The following PURA variants were observed in gnomAD, a reference collection of about 807,000 sequenced individuals.
The protein encoded by PURA is transcriptional activator protein Pur-alpha.
In PURA, 2 loss-of-function variants were observed where a neutral mutation model predicts 23.1. The observed-to-expected ratio is 0.09, with a 90% CI of 0.04 to 0.27. PURA has a LOEUF of 0.27. Among genes scored for constraint, PURA ranks in the 10% least tolerant of loss-of-function variants. PURA has a pLI of 1.00. For missense variants in PURA, 187 were observed against 449.7 expected (o/e 0.42, Z 5.28); for synonymous variants, 254 against 205.9 (o/e 1.23, Z -2.00).
In PURA at chr5:140,116,804, T is replaced by G. The variant is rs1763084997; in HGVS notation, c.*1654T>G. 6.3e-6 allele frequency: 1 copy of G among 157,614 alleles called. No homozygotes were observed. Among genetic ancestry groups the G allele is most frequent in the African/African-American group, 2.5e-5 (1 of 39,558 alleles). The allele number at this position is 157,614 out of a possible 1,614,324, so 9.8% of individuals were successfully genotyped here. ...CAGTACATTTTGGTTTGGAATTCTG[T>G]AGAAAGTATTTTGGTAAAAAAAAAA... On this transcript the variant is annotated 3_prime_UTR_variant, in exon 1 of 1. Transcript: ENST00000331327.
rs1260989342 is a variant in PURA at position 140,124,161 on chromosome 5, A to G, written c.*9011A>G. 6.0e-6 allele frequency: 1 copy of G among 167,060 alleles called. No homozygotes were observed. Among genetic ancestry groups the G allele is most frequent in the Non-Finnish European group, 1.5e-5 (1 of 68,094 alleles). 10.3% of individuals were successfully genotyped at this position (167,060 alleles called of 1,614,324 possible). On this transcript the variant is annotated 3_prime_UTR_variant, in exon 1 of 1. Transcript: ENST00000331327. Reference sequence around the variant, plus strand: ...ACACAGTGTTCAGAATTGCAAAAAAATTTAAAAATTGATAGTTTTATCAAT... The same window carrying G: ...ACACAGTGTTCAGAATTGCAAAAAAGTTTAAAAATTGATAGTTTTATCAAT...
In PURA at chr5:140,114,421, C is replaced by T. The variant is rs367658456; in HGVS notation, c.240C>T (p.Asn80=). Residue 80 remains asparagine, a synonymous_variant, in exon 1 of 1, where the codon AAC becomes AAT. Coordinates refer to ENST00000331327, the MANE Select transcript of PURA (RefSeq NM_005859.5). ...NKRFYLDVKQ[N]AKGRFLKIAE... ...GCTTCTACCTGGACGTGAAGCAGAA[C>T]GCCAAGGGCCGCTTCCTGAAGATCG... 2.0e-4 allele frequency: 318 copies of T among 1,612,974 alleles called. No individual in the cohort carries two copies. The highest frequency in any genetic ancestry group is 2.6e-4 in the Non-Finnish European group (302 of 1,179,816).
rs199790744 is a variant in PURA, at chr5:140,116,819, T to TA, written c.*1690dup. The TA allele has an allele frequency of 0.016, 1,513 of 96,932 alleles. 11 individuals are homozygous for TA. Among genetic ancestry groups the TA allele is most frequent in the East Asian group, 0.052 (192 of 3,668 alleles). The allele number at this position is 96,932 out of a possible 1,614,324, so 6.0% of individuals were successfully genotyped here. A position where few individuals can be genotyped will look rare whatever the true frequency, so the allele number is the denominator to read the frequency against. On this transcript the variant is annotated 3_prime_UTR_variant, in exon 1 of 1. Coordinates refer to ENST00000331327, the MANE Select transcript of PURA (RefSeq NM_005859.5). ...TGGAATTCTGTAGAAAGTATTTTGGTAAAAAAAAAAAAAAAAAAAAAGGGT... is the reference window on the plus strand; with the variant it reads ...TGGAATTCTGTAGAAAGTATTTTGGTAAAAAAAAAAAAAAAAAAAAAAGGGT...
chr5:140,125,257 C>T lies in PURA; in HGVS notation c.*10107C>T, dbSNP rs923662393. ...AATTGTAGAGAATTTTAGTGCAAATCGTTGATAAAATTAGGAACCAACTAT... is the reference window on the plus strand; with the variant it reads ...AATTGTAGAGAATTTTAGTGCAAATTGTTGATAAAATTAGGAACCAACTAT... On this transcript the variant is annotated 3_prime_UTR_variant, in exon 1 of 1. Transcript: ENST00000331327. 3 of 166,716 alleles carry T rather than the reference C, an allele frequency of 1.8e-5. No individual in the cohort carries two copies. The highest frequency in any genetic ancestry group is 6.5e-5 in the Admixed American group (1 of 15,282). 10.3% of individuals were successfully genotyped at this position (166,716 alleles called of 1,614,324 possible). A position where few individuals can be genotyped will look rare whatever the true frequency, so the allele number is the denominator to read the frequency against.
At position 140,117,786 on chromosome 5, in the gene PURA, C is replaced by G. The variant is rs1332409666; in HGVS notation, c.*2636C>G. 6.0e-6 allele frequency: 1 copy of G among 165,540 alleles called. No homozygotes were observed. Among genetic ancestry groups the G allele is most frequent in the Non-Finnish European group, 1.5e-5 (1 of 68,086 alleles). 10.3% of individuals were successfully genotyped at this position (165,540 alleles called of 1,614,324 possible). A position where few individuals can be genotyped will look rare whatever the true frequency, so the allele number is the denominator to read the frequency against. On this transcript the variant is annotated 3_prime_UTR_variant, in exon 1 of 1. Coordinates refer to ENST00000331327, the MANE Select transcript of PURA (RefSeq NM_005859.5). Reference sequence around the variant, plus strand: ...TTACACTAAAACAGTTTAATACAATCTAACTACGATTTTGAAACCAGTGTC... The same window carrying G: ...TTACACTAAAACAGTTTAATACAATGTAACTACGATTTTGAAACCAGTGTC...
chr5:140,118,801 G>T lies in PURA; in HGVS notation c.*3651G>T, dbSNP rs1410540901. The T allele has an allele frequency of 1.2e-5, 2 of 166,874 alleles. No individual in the cohort carries two copies. The highest frequency in any genetic ancestry group is 2.9e-5 in the Non-Finnish European group (2 of 68,042). The allele number at this position is 166,874 out of a possible 1,614,324, so 10.3% of individuals were successfully genotyped here. A position where few individuals can be genotyped will look rare whatever the true frequency, so the allele number is the denominator to read the frequency against. On this transcript the variant is annotated 3_prime_UTR_variant, in exon 1 of 1. Transcript: ENST00000331327. ...AGGGGTTGAAATTTGATTCCAAGCG[G>T]AAAGTATATTATGTTTTTTCAGGCC...
chr5:140,115,507 C>T lies in PURA; in HGVS notation c.*357C>T, dbSNP rs527621243. The T allele has an allele frequency of 5.7e-6, 1 of 175,920 alleles. No individual in the cohort carries two copies. The highest frequency in any genetic ancestry group is 1.3e-5 in the Non-Finnish European group (1 of 74,252). The allele number at this position is 175,920 out of a possible 1,614,324, so 10.9% of individuals were successfully genotyped here. A position where few individuals can be genotyped will look rare whatever the true frequency, so the allele number is the denominator to read the frequency against. On this transcript the variant is annotated 3_prime_UTR_variant, in exon 1 of 1. Coordinates refer to ENST00000331327, the MANE Select transcript of PURA (RefSeq NM_005859.5). The surrounding 1 kb of genome is among the most constrained non-coding windows in gnomAD (Gnocchi z 4.1). ...GTTTATTTCCCTAATTAACCAAGAA[C>T]TTTTGTACACGTTTAAGCTATTATT...
rs1763088222 is a variant in PURA, at chr5:140,116,990, CA to C, written c.*1843del. 1 of 166,904 alleles carries C rather than the reference CA, an allele frequency of 6.0e-6. No homozygotes were observed. Among genetic ancestry groups the C allele is most frequent in the Admixed American group, 6.5e-5 (1 of 15,282 alleles). 10.3% of individuals were successfully genotyped at this position (166,904 alleles called of 1,614,324 possible). On this transcript the variant is annotated 3_prime_UTR_variant, in exon 1 of 1. Transcript: ENST00000331327. ...ATTGTAAAGCATTGGCCTAGGAAGG[CA>C]AACAGTTGTCTTTTTGAAGGATTTT...
chr5:140,123,395 A>G lies in PURA; in HGVS notation c.*8245A>G, dbSNP rs1763172561. 6.0e-6 allele frequency: 1 copy of G among 166,932 alleles called. No individual in the cohort carries two copies. The highest frequency in any genetic ancestry group is 1.5e-5 in the Non-Finnish European group (1 of 68,044). 10.3% of individuals were successfully genotyped at this position (166,932 alleles called of 1,614,324 possible). A position where few individuals can be genotyped will look rare whatever the true frequency, so the allele number is the denominator to read the frequency against. ...AGGAAAGACTAAAGTTGCCTGTAAAATTTCTAGTTTTCATTATTTGCACTA... is the reference window on the plus strand; with the variant it reads ...AGGAAAGACTAAAGTTGCCTGTAAAGTTTCTAGTTTTCATTATTTGCACTA... On this transcript the variant is annotated 3_prime_UTR_variant, in exon 1 of 1. Transcript: ENST00000331327.
In PURA at chr5:140,117,878, A is replaced by C. The variant is rs1446922954; in HGVS notation, c.*2728A>C. 6.0e-6 allele frequency: 1 copy of C among 167,030 alleles called. No homozygotes were observed. The highest frequency in any genetic ancestry group is 1.9e-4 in the East Asian group (1 of 5,196). 10.3% of individuals were successfully genotyped at this position (167,030 alleles called of 1,614,324 possible). ...ATCTTTTAAGACTTAAAAAGTGATC[A>C]TAGAAAAGACTAAGTGACTGTAAAG... On this transcript the variant is annotated 3_prime_UTR_variant, in exon 1 of 1. Transcript: ENST00000331327.
rs970144878 is a variant in PURA, at chr5:140,118,962, A to ACTGTAATAG, written c.*3814_*3822dup. On this transcript the variant is annotated 3_prime_UTR_variant, in exon 1 of 1. Coordinates refer to ENST00000331327, the MANE Select transcript of PURA (RefSeq NM_005859.5). ...AATACTTATTGCCTTGAAAAGTAGC[A>ACTGTAATAG]CTGTAATAGCCTATGATAATTAGTT... 6.0e-5 allele frequency: 10 copies of ACTGTAATAG among 166,974 alleles called. No homozygotes were observed. Among genetic ancestry groups the ACTGTAATAG allele is most frequent in the African/African-American group, 2.2e-4 (9 of 41,444 alleles). 10.3% of individuals were successfully genotyped at this position (166,974 alleles called of 1,614,324 possible).
rs375962530 is a variant in PURA at position 140,114,673 on chromosome 5, C to T, written c.492C>T (p.Arg164=). 4 of 1,611,910 alleles carry T rather than the reference C, an allele frequency of 2.5e-6. No individual in the cohort carries two copies. The highest frequency in any genetic ancestry group is 2.2e-5 in the East Asian group (1 of 44,862). The change falls in exon 1 of 1, where the codon CGC becomes CGT. Residue 164 remains arginine, a synonymous_variant. Coordinates refer to ENST00000331327, the MANE Select transcript of PURA (RefSeq NM_005859.5). ...ACATGGATCTCAAGGAGAACCAGCG[C>T]GGCCGCTTCCTGCGCATCCGCCAGA... ...KYYMDLKENQ[R]GRFLRIRQTV...
At position 140,119,616 on chromosome 5, in the gene PURA, T is replaced by G. The variant is rs1335435534; in HGVS notation, c.*4466T>G. On this transcript the variant is annotated 3_prime_UTR_variant, in exon 1 of 1. Transcript: ENST00000331327. ...AGATTTGATATATTTTAAAAGATAC[T>G]ATGTCAACTTTTTTCTTCCTATTTT... 6.0e-6 allele frequency: 1 copy of G among 166,846 alleles called. No individual in the cohort carries two copies. The highest frequency in any genetic ancestry group is 1.5e-5 in the Non-Finnish European group (1 of 67,970). The allele number at this position is 166,846 out of a possible 1,614,324, so 10.3% of individuals were successfully genotyped here.
In PURA at chr5:140,119,574, A is replaced by C. The variant is rs1450633082; in HGVS notation, c.*4424A>C. On this transcript the variant is annotated 3_prime_UTR_variant, in exon 1 of 1. Transcript: ENST00000331327. ...TATCATGGCCCAAGCACTTTATATC[A>C]TTTTTTAAGTCAGTTAAGATTTGAT... 1 of 166,766 alleles carries C rather than the reference A, an allele frequency of 6.0e-6. No homozygotes were observed. Among genetic ancestry groups the C allele is most frequent in the African/African-American group, 2.4e-5 (1 of 41,420 alleles). 10.3% of individuals were successfully genotyped at this position (166,766 alleles called of 1,614,324 possible).
chr5:140,123,460 C>T lies in PURA; in HGVS notation c.*8310C>T, dbSNP rs960574186. The T allele has an allele frequency of 6.0e-6, 1 of 166,880 alleles. No homozygotes were observed. The highest frequency in any genetic ancestry group is 6.5e-5 in the Admixed American group (1 of 15,272). The allele number at this position is 166,880 out of a possible 1,614,324, so 10.3% of individuals were successfully genotyped here. A position where few individuals can be genotyped will look rare whatever the true frequency, so the allele number is the denominator to read the frequency against. On this transcript the variant is annotated 3_prime_UTR_variant, in exon 1 of 1. Coordinates refer to ENST00000331327, the MANE Select transcript of PURA (RefSeq NM_005859.5). The stretch of plus-strand genomic sequence containing the variant: ...TGATTTTTTGAAAGTTAAGGCTAGT[C>T]ACTTTCACTTTTGTTTCTAGTCTTT...
chr5:140,115,259 G>C lies in PURA; in HGVS notation c.*109G>C. On this transcript the variant is annotated 3_prime_UTR_variant, in exon 1 of 1. Transcript: ENST00000331327. This position sits in a 1 kb window ranked among gnomAD's most constrained non-coding sequence, Gnocchi z 4.1. ...AAGAGAGAAAATAAAAAGTTAAAAA[G>C]TTAAAAAAAAAAAAAAACCTGTTAA... is the stretch of plus-strand genomic sequence containing the variant. 1.6e-5 allele frequency: 9 copies of C among 563,596 alleles called. No homozygotes were observed. The highest frequency in any genetic ancestry group is 2.2e-5 in the Non-Finnish European group (8 of 367,856). The allele number at this position is 563,596 out of a possible 1,614,324, so 34.9% of individuals were successfully genotyped here. A position where few individuals can be genotyped will look rare whatever the true frequency, so the allele number is the denominator to read the frequency against.
chr5:140,120,575 T>C lies in PURA; in HGVS notation c.*5425T>C, dbSNP rs1309374318. ...TTATTTGATCCTGAAAACCTAAATT[T>C]AAGGTATAGGCCATTTGACACGTCC... On this transcript the variant is annotated 3_prime_UTR_variant, in exon 1 of 1. Transcript: ENST00000331327. 1 of 165,224 alleles carries C rather than the reference T, an allele frequency of 6.1e-6. No individual in the cohort carries two copies. The highest frequency in any genetic ancestry group is 1.5e-5 in the Non-Finnish European group (1 of 67,948). The allele number at this position is 165,224 out of a possible 1,614,324, so 10.2% of individuals were successfully genotyped here.
At position 140,114,436 on chromosome 5, in the gene PURA, C is replaced by T. The variant is rs1763042675; in HGVS notation, c.255C>T (p.Phe85=). 2.5e-6 allele frequency: 4 copies of T among 1,613,160 alleles called. No homozygotes were observed. The highest frequency in any genetic ancestry group is 1.6e-4 in the Middle Eastern group (1 of 6,062). The change falls in exon 1 of 1, where the codon TTC becomes TTT. Residue 85 remains phenylalanine (F), a synonymous_variant. Transcript: ENST00000331327. The stretch of plus-strand genomic sequence containing the variant: ...TGAAGCAGAACGCCAAGGGCCGCTT[C>T]CTGAAGATCGCCGAGGTGGGCGCGG... ...LDVKQNAKGR[F]LKIAEVGAGG...
Position 140,120,223 on chromosome 5 carries a change from T to A in PURA, c.*5073T>A, listed in dbSNP as rs1763135549. 6.0e-6 allele frequency: 1 copy of A among 166,748 alleles called. No homozygotes were observed. The highest frequency in any genetic ancestry group is 2.1e-4 in the South Asian group (1 of 4,830). 10.3% of individuals were successfully genotyped at this position (166,748 alleles called of 1,614,324 possible). The stretch of plus-strand genomic sequence containing the variant: ...AGAGATGTATACACACACATACACA[T>A]ATATATGTATATATACATTGTGTGT... On this transcript the variant is annotated 3_prime_UTR_variant, in exon 1 of 1. Transcript: ENST00000331327.
Sources: allele counts gnomAD v4.1 joint callset, GRCh38; gene constraint gnomAD v4.1.1; non-coding constraint Gnocchi (gnomAD v3.1); transcripts MANE v1.5; gene names NCBI Gene and HGNC (gene_info 2026-07-23, HGNC 2026-07-21).